The following BBS1 variants were observed in gnomAD, a reference collection of about 807,000 sequenced individuals.
BBS1 encodes the protein Bardet-Biedl syndrome 1.
In BBS1, 60 loss-of-function variants were observed where a neutral mutation model predicts 73.9. That is an observed-to-expected ratio of 0.81 (90% CI 0.66 to 1.01). The LOEUF is 1.01. Among genes scored for constraint, BBS1 ranks in the 50% least tolerant of loss-of-function variants. The pLI, the probability that BBS1 is intolerant of heterozygous loss-of-function variation, is 0.00. For missense variants in BBS1, 718 were observed against 770.3 expected, an observed-to-expected ratio of 0.93 and a Z score of 0.80; for synonymous variants, 283 against 317.4, an observed-to-expected ratio of 0.89 and a Z score of 1.15.
intron 13 of BBS1, among the ~76,000 whole-genome samples, chr11:66,528,812 C>CA (rs1212572373): frequency 6.6e-5 from 10 of 151,692 alleles, no homozygotes; most frequent in African/African-American, 9.7e-5. Flanking sequence ...CTACTAAATA[C>CA]AAAAAATTAG....
At chr11:66,529,129 G>A (rs1191439714) in intron 13 of BBS1, 11 of 984,648 alleles carry the variant, frequency 1.1e-5, no homozygotes, top group South Asian at 4.7e-5. Flanking sequence ...ACACATAAAC[G>A]GAAGAGCGAA....
intron 15 of BBS1, among the ~76,000 whole-genome samples, 170 bp from the exon 16 acceptor site, chr11:66,531,486 C>G (rs373975822): frequency 6.6e-6 from 1 of 152,196 alleles, no homozygotes; most frequent in African/African-American, 2.4e-5. Flanking sequence ...CCATGAGGCC[C>G]TGGGCCATTC....
rs369464930 is a variant in BBS1 at position 66,510,646 on chromosome 11, C to A, written c.-14C>A. 6 of 1,613,996 alleles carry A rather than the reference C, an allele frequency of 3.7e-6. No homozygotes were observed. The African/African-American group carries it at 5.3e-5, about 14-fold the overall frequency. On this transcript the variant is annotated 5_prime_UTR_variant, in exon 1 of 17. Transcript: ENST00000318312. ...GCGAGGGCGGGGCCGGTTGCCAGGA[C>A]GACGCCTGCGAAGATGGCCGCTGCG...
intron 9 of BBS1, among the ~76,000 whole-genome samples, chr11:66,522,308 G>T (rs1240545408): frequency 3.3e-5 from 5 of 151,134 alleles, no homozygotes; most frequent in African/African-American, 1.2e-4. Context: ...ACTTGTTTAT[G>T]CATTAGTTTA....
In BBS1 at chr11:66,532,106, G is replaced by A. The variant is rs1856811632; in HGVS notation, c.*69G>A. On this transcript the variant is annotated 3_prime_UTR_variant, in exon 17 of 17. Transcript: ENST00000318312. ...AACTGGGCGGGTTTAGTGGCCCCAG[G>A]CCCACTCCTCATGCAGCAGTGTGCT... The A allele has an allele frequency of 2.7e-6, 4 of 1,480,402 alleles. No individual in the cohort carries two copies. In the Admixed American group the frequency reaches 7.9e-5, roughly 29 times the overall value. The allele number at this position is 1,480,402 out of a possible 1,614,324, so 91.7% of individuals were successfully genotyped here. A position where few individuals can be genotyped will look rare whatever the true frequency, so the allele number is the denominator to read the frequency against.
chr11:66,529,432 G>A (rs908293540), intron 13 of BBS1: 9 of 914,626 alleles, frequency 9.8e-6, no homozygotes, highest in African/African-American at 8.2e-5. Flanking sequence ...AATATCGAGC[G>A]TGGACACCAA....
intron 9 of BBS1, chr11:66,523,250 A>G: frequency 2.8e-6 from 2 of 706,514 alleles, no homozygotes; most frequent in South Asian, 3.0e-5. Flanking sequence ...ACAAGACACC[A>G]TAGTGAAGGT....
intron 14 of BBS1, among the ~76,000 whole-genome samples, chr11:66,530,169 G>T (rs1856710672): frequency 6.6e-6 from 1 of 152,036 alleles, no homozygotes; most frequent in Non-Finnish European, 1.5e-5. Flanking sequence ...TCTCCCCTCG[G>T]CTGGCCATGC....
chr11:66,521,366 A>G lies in BBS1; in HGVS notation c.820A>G (p.Ile274Val). Residue 274 changes from isoleucine (I) to valine (V), a missense_variant, in exon 9 of 17, where the codon ATT (isoleucine) becomes GTT (valine). Transcript: ENST00000318312. ...GGCCTGCCGCAATGGAAACATCTAT[A>G]TTCTGAGAAGGTAGCCACATCCGTG... ...AAACRNGNIY[I>V]LRRDSKHPKY... 1 of 1,614,058 alleles carries G rather than the reference A, an allele frequency of 6.2e-7. No homozygotes were observed. The highest frequency in any genetic ancestry group is 8.5e-7 in the Non-Finnish European group (1 of 1,179,892).
chr11:66,514,497 C>T lies in BBS1; in HGVS notation c.251C>T (p.Ala84Val). The change falls in exon 4 of 17, where the codon GCT becomes GTT. Residue 84 changes from alanine (A) to valine (V), a missense_variant. Ala to Val is a moderately conservative substitution (Grantham distance 64, BLOSUM62 0). Transcript: ENST00000318312. Reference protein sequence around the residue: ...PLVMTESPLPALPAAAATFLM... With the variant: ...PLVMTESPLPVLPAAAATFLM... ...GTGATGACCGAAAGCCCGCTACCTG[C>T]TCTGCCAGCTGCTGCTGCCACCTTC... 6.2e-7 allele frequency: 1 copy of T among 1,614,178 alleles called. No homozygotes were observed. Among genetic ancestry groups the T allele is most frequent in the Non-Finnish European group, 8.5e-7 (1 of 1,180,034 alleles).
intron 14 of BBS1, among the ~76,000 whole-genome samples, chr11:66,530,224 T>C (rs1474629828): frequency 6.6e-6 from 1 of 152,168 alleles, no homozygotes; most frequent in East Asian, 1.9e-4. Flanking sequence ...AATAGTCATA[T>C]TAGGACATTT....
At chr11:66,528,780 C>T (rs901812211) in intron 13 of BBS1, among the ~76,000 whole-genome samples, 2 of 151,934 alleles carry the variant, frequency 1.3e-5, no homozygotes, top group South Asian at 2.1e-4. Flanking sequence ...ACCAGCCTGA[C>T]CAACATGGTG....
At position 66,519,709 on chromosome 11, in the gene BBS1, C is replaced by T. The variant is rs764202615; in HGVS notation, c.684C>T (p.Leu228=). ...TGCTGGGCACCGAGAACAAGGAGCT[C>T]CTGGTGCTTGACCCCGAGGCCTTCA... ...CLVLGTENKE[L]LVLDPEAFTI... is the part of the protein sequence containing the mutation. Residue 228 remains leucine, a synonymous_variant, in exon 8 of 17, where the codon CTC becomes CTT. Coordinates refer to ENST00000318312, the MANE Select transcript of BBS1 (RefSeq NM_024649.5). 2.0e-5 allele frequency: 33 copies of T among 1,613,666 alleles called. No individual in the cohort carries two copies. The highest frequency in any genetic ancestry group is 1.6e-4 in the Middle Eastern group (1 of 6,084).
rs903736005 is a variant in BBS1 at position 66,510,678 on chromosome 11, T to A, written c.19T>A (p.Ser7Thr). 14 of 1,614,040 alleles carry A rather than the reference T, an allele frequency of 8.7e-6. No homozygotes were observed. Among genetic ancestry groups the A allele is most frequent in the Non-Finnish European group, 1.0e-5 (12 of 1,180,018 alleles). ...TGCGAAGATGGCCGCTGCGTCCTCA[T>A]CGGATTCCGACGCCTGCGGAGCTGA... is the stretch of plus-strand genomic sequence containing the variant. The part of the protein sequence containing the change: MAAASS[S>T]DSDACGAESN... Residue 7 changes from serine to threonine, a missense_variant, in exon 1 of 17, where the codon TCG (serine) becomes ACG (threonine). Transcript: ENST00000318312.
At chr11:66,527,891 G>T (rs1856589783) in intron 13 of BBS1, among the ~76,000 whole-genome samples, 1 of 152,048 alleles carries the variant, frequency 6.6e-6, no homozygotes. Flanking sequence ...CCCCAGACAG[G>T]GCAGGGCAGG....
At chr11:66,510,924 T>C (rs1855927646) in intron 1 of BBS1, 89 bp from the exon 2 acceptor site, 5 of 1,466,098 alleles carry the variant, frequency 3.4e-6, no homozygotes, top group Non-Finnish European at 4.8e-6. Flanking sequence ...CTGTACCTTA[T>C]GTTCAGAGTG....
At chr11:66,529,999 C>T in intron 14 of BBS1, 47 bp downstream of exon 14, 1 of 1,563,722 alleles carries the variant, frequency 6.4e-7, no homozygotes, top group South Asian at 1.2e-5. Flanking sequence ...GGGCAGAGGC[C>T]AGGATGCGCA....
At position 66,530,828 on chromosome 11, in the gene BBS1, G is replaced by A. The variant is rs79542142; in HGVS notation, c.1474-66G>A. On this transcript the variant is annotated intron_variant, in intron 14 of 16. Transcript: ENST00000318312. ...AGGGCATTGGTGGAAGGCAGGCAGA[G>A]CACACTGTACTCCGTGCCCAAGGCT... 9,587 of 1,607,618 alleles carry A rather than the reference G, an allele frequency of 6.0e-3. 30 individuals are homozygous for A. The highest frequency in any genetic ancestry group is 7.5e-3 in the Non-Finnish European group (8,820 of 1,174,052).
chr11:66,511,562 G>C (rs1343961408), intron 3 of BBS1, among the ~76,000 whole-genome samples: 1 of 152,084 alleles, frequency 6.6e-6, no homozygotes, highest in Non-Finnish European at 1.5e-5. Flanking sequence ...AAAGTAAAAA[G>C]GAGGGAAGTG....
Sources: gnomAD v4.1 joint callset for allele counts (sites outside exome capture counted in the v4.1 genomes callset) on GRCh38, gnomAD v4.1.1 for gene constraint, MANE v1.5 for transcripts, NCBI Gene and HGNC (gene_info 2026-07-23, HGNC 2026-07-21) for gene names.